The following CD163L1 variants were observed in gnomAD, a reference collection of about 807,000 sequenced individuals.
CD163L1 encodes the protein scavenger receptor cysteine-rich type 1 protein M160.
In CD163L1, 124 loss-of-function variants were observed where a neutral mutation model predicts 165.4. The ratio of observed to expected loss-of-function variants is 0.75; its 90% CI spans 0.65 to 0.87. The LOEUF is 0.87. CD163L1 is among the 40% of genes least tolerant of loss of function. The pLI, the probability that CD163L1 is intolerant of heterozygous loss-of-function variation, is 0.00. For missense variants in CD163L1, 1,525 were observed against 1,799.9 expected (o/e 0.85, Z 2.76); for synonymous variants, 585 against 662.2 (o/e 0.88, Z 1.79).
At chr12:7,381,388 G>A (rs1947405295) in intron 8 of CD163L1, among the ~76,000 whole-genome samples, 1 of 152,084 alleles carries the variant, frequency 6.6e-6, no homozygotes, top group South Asian at 2.1e-4. Flanking sequence ...TACTACATTG[G>A]TTATTTTGAT....
intron 8 of CD163L1, among the ~76,000 whole-genome samples, chr12:7,381,830 A>T (rs1947414682): frequency 6.6e-6 from 1 of 151,904 alleles, no homozygotes; most frequent in Non-Finnish European, 1.5e-5. Context: ...TAAGGGAAAA[A>T]CATATTTCAC....
At chr12:7,321,519 G>A in the CD163L1 span, among the ~76,000 whole-genome samples, 1 of 152,214 alleles carries the variant, frequency 6.6e-6, no homozygotes, top group Non-Finnish European at 1.5e-5. Context: ...TCTTTTCCTA[G>A]TCAGTGTCAA....
At chr12:7,364,919 T>C (rs760113344) in intron 18 of CD163L1, among the ~76,000 whole-genome samples, 1 of 152,166 alleles carries the variant, frequency 6.6e-6, no homozygotes, top group Non-Finnish European at 1.5e-5. Flanking sequence ...GAAATAGAGA[T>C]AACAATCATA....
chr12:7,398,627 A>G lies in CD163L1; in HGVS notation c.1409-43T>C. 1 of 1,489,404 alleles carries G rather than the reference A, an allele frequency of 6.7e-7. No individual in the cohort carries two copies. The highest frequency in any genetic ancestry group is 9.0e-7 in the Non-Finnish European group (1 of 1,112,262). The allele number at this position is 1,489,404 out of a possible 1,614,324, so 92.3% of individuals were successfully genotyped here. On this transcript the variant is annotated intron_variant, in intron 6 of 19. Transcript: ENST00000313599. This position sits in a 1 kb window ranked among gnomAD's most constrained non-coding sequence, Gnocchi z 4.5. The stretch of plus-strand genomic sequence containing the variant: ...CCACATATTTGAGATCAAATGAGAG[A>G]GTCTTTTCAGAAGACTGAAAAGACT...
Position 7,369,083 on chromosome 12 carries a change from A to G in CD163L1, c.4040-118T>C, listed in dbSNP as rs1003232642. 12 of 1,152,786 alleles carry G rather than the reference A, an allele frequency of 1.0e-5. No individual in the cohort carries two copies. In the Admixed American group the frequency reaches 1.2e-4, roughly 11 times the overall value. 71.4% of individuals were successfully genotyped at this position (1,152,786 alleles called of 1,614,324 possible). A position where few individuals can be genotyped will look rare whatever the true frequency, so the allele number is the denominator to read the frequency against. ...AATATCCTTTTAACATCTCCTGTGA[A>G]TACTGGATGTCATTTAAAATATCAG... On this transcript the variant is annotated intron_variant, in intron 15 of 19. Transcript: ENST00000313599. The surrounding 1 kb of genome is among the most constrained non-coding windows in gnomAD (Gnocchi z 4.9).
At chr12:7,408,836 C>T (rs1341763396) in intron 4 of CD163L1, among the ~76,000 whole-genome samples, 1 of 152,100 alleles carries the variant, frequency 6.6e-6, no homozygotes, top group Admixed American at 6.6e-5. Flanking sequence ...CAGTTTTGTA[C>T]TTGTACTTTT....
At chr12:7,373,271 T>G in intron 14 of CD163L1, 49 bp downstream of exon 14, 1 of 1,490,482 alleles carries the variant, frequency 6.7e-7, no homozygotes, top group Non-Finnish European at 9.1e-7. Context: ...TATGGTAAGT[T>G]ATATTTCACA....
chr12:7,359,480 A>G (rs1946848919), intron 18 of CD163L1, among the ~76,000 whole-genome samples: 1 of 152,140 alleles, frequency 6.6e-6, no homozygotes, highest in Admixed American at 6.6e-5. Flanking sequence ...AAAAAGAACC[A>G]TCAACTTAGA....
At chr12:7,339,513 G>A in the CD163L1 span, among the ~76,000 whole-genome samples, 2 of 152,092 alleles carry the variant, frequency 1.3e-5, no homozygotes, top group Admixed American at 6.6e-5. Context: ...TCACCTCTGG[G>A]TTATTTTGGC....
the CD163L1 span, chr12:7,320,884 G>C: frequency 2.4e-6 from 3 of 1,235,784 alleles, no homozygotes; most frequent in East Asian, 7.3e-5. Flanking sequence ...TTCAGCATAG[G>C]ATAGCTCAGG....
In CD163L1 at chr12:7,368,592, T is replaced by G. The variant is rs973553764; in HGVS notation, c.4072+341A>C. Among the ~76,000 whole-genome samples the G allele has an allele frequency of 2.0e-5, 3 of 151,230 alleles. No homozygotes were observed. Among genetic ancestry groups the G allele is most frequent in the Non-Finnish European group, 2.9e-5 (2 of 67,860 alleles). ...ACCCAGGCTGAGTGTACTGGCACGATCTCGGCTCACTGCAATCTCTGCTTC... is the reference window on the plus strand; with the variant it reads ...ACCCAGGCTGAGTGTACTGGCACGAGCTCGGCTCACTGCAATCTCTGCTTC... On this transcript the variant is annotated intron_variant, in intron 16 of 19. Coordinates refer to ENST00000313599, the MANE Select transcript of CD163L1 (RefSeq NM_174941.6). This position sits in a 1 kb window ranked among gnomAD's most constrained non-coding sequence, Gnocchi z 4.3.
rs1565810152 is a variant in CD163L1, at chr12:7,421,488, T to TATACATATATATACATATAC, written c.766+10927_766+10928insGTATATGTATATATATGTAT. On this transcript the variant is annotated intron_variant, in intron 4 of 19. Transcript: ENST00000313599. ...ACATATATATACATATATGTACATATATACATATATGTACATATACATATA... is the reference window on the plus strand; with the variant it reads ...ACATATATATACATATATGTACATATATACATATATATACATATACATACATATATGTACATATACATATA... 1.4e-4 allele frequency among the ~76,000 whole-genome samples: 16 copies of TATACATATATATACATATAC among 116,382 alleles called. 2 individuals carry two copies. Among genetic ancestry groups the TATACATATATATACATATAC allele is most frequent in the Non-Finnish European group, 1.9e-4 (12 of 61,660 alleles). 76.4% of individuals were successfully genotyped at this position (116,382 alleles called of 152,430 possible). A position where few individuals can be genotyped will look rare whatever the true frequency, so the allele number is the denominator to read the frequency against.
chr12:7,422,832 GTTCT>G (rs1159186320), intron 4 of CD163L1, among the ~76,000 whole-genome samples: 2 of 150,738 alleles, frequency 1.3e-5, no homozygotes, highest in Non-Finnish European at 3.0e-5. Context: ...CATAAAACCA[GTTCT>G]TTAAGACCTA....
chr12:7,380,284 T>C (rs1038616333), intron 8 of CD163L1, among the ~76,000 whole-genome samples: 7 of 149,732 alleles, frequency 4.7e-5, no homozygotes, highest in Non-Finnish European at 8.9e-5. Flanking sequence ...GGTGTGTGTG[T>C]GTGTGTGTGT....
At chr12:7,436,001 A>G (rs1416938726) in intron 2 of CD163L1, among the ~76,000 whole-genome samples, 1 of 152,212 alleles carries the variant, frequency 6.6e-6, no homozygotes, top group African/African-American at 2.4e-5. Flanking sequence ...TAAACAATAC[A>G]TTATTTCTGC....
At chr12:7,358,075 C>T (rs939293210) in intron 18 of CD163L1, among the ~76,000 whole-genome samples, 2 of 152,102 alleles carry the variant, frequency 1.3e-5, no homozygotes, top group Non-Finnish European at 2.9e-5. Context: ...AACAACTCTT[C>T]TTAGGTCCAT....
Position 7,373,508 on chromosome 12 carries a change from C to A in CD163L1, c.3542G>T (p.Cys1181Phe). ...NITTAIAGIV[C>F]RQLGCGENGV... ...ATTCTCCCCACAGCCCAGCTGCCTG[C>A]ACACAATGCCTGCTATGGCTGTGGT... Residue 1181 changes from cysteine (C) to phenylalanine (F), a missense_variant, in exon 14 of 20, where the codon TGC becomes TTC. Cys to Phe is a radical substitution (Grantham distance 205, BLOSUM62 -2). Transcript: ENST00000313599. 6.2e-7 allele frequency: 1 copy of A among 1,614,212 alleles called. No individual in the cohort carries two copies. The highest frequency in any genetic ancestry group is 8.5e-7 in the Non-Finnish European group (1 of 1,180,028).
intron 4 of CD163L1, among the ~76,000 whole-genome samples, chr12:7,421,324 ATATG>A (rs1158558780): frequency 9.1e-6 from 1 of 109,580 alleles, no homozygotes; most frequent in Non-Finnish European, 1.8e-5. Flanking sequence ...TGGAAGATAT[ATATG>A]TATATATATC....
At chr12:7,336,709 C>T in the CD163L1 span, among the ~76,000 whole-genome samples, 1 of 152,068 alleles carries the variant, frequency 6.6e-6, no homozygotes, top group East Asian at 1.9e-4. Flanking sequence ...AAAAACATTC[C>T]ATGCTCATGC....
Sources: allele counts gnomAD v4.1 joint callset (sites outside exome capture counted in the v4.1 genomes callset), GRCh38; gene constraint gnomAD v4.1.1; non-coding constraint Gnocchi (gnomAD v3.1); transcripts MANE v1.5; gene names NCBI Gene and HGNC (gene_info 2026-07-23, HGNC 2026-07-21).